The following MMP16 variants were observed in gnomAD, a reference collection of about 807,000 sequenced individuals.
MMP16 encodes the protein matrix metallopeptidase 16.
MMP16 carries 12 observed loss-of-function variants against 67.8 expected under a neutral mutation model. The observed-to-expected ratio is 0.18, with a 90% CI of 0.11 to 0.29. The LOEUF (loss-of-function observed/expected upper bound fraction) is 0.29, where lower values mean the gene tolerates loss of function less well. Among genes scored for constraint, MMP16 ranks in the 10% least tolerant of loss-of-function variants. The pLI, the probability that MMP16 is intolerant of heterozygous loss-of-function variation, is 1.00. For synonymous variants in MMP16, 249 were observed against 255.9 expected, an observed-to-expected ratio of 0.97 and a Z score of 0.26; for missense variants, 475 against 765.7, an observed-to-expected ratio of 0.62 and a Z score of 4.48.
chr8:88,258,419 T>C (rs941816853), intron 1 of MMP16, among the ~76,000 whole-genome samples: 2 of 152,220 alleles, frequency 1.3e-5, no homozygotes, highest in Non-Finnish European at 2.9e-5. Flanking sequence ...GGCATACTAA[T>C]GCCTGTCTAA....
intron 8 of MMP16, among the ~76,000 whole-genome samples, chr8:88,047,498 T>C (rs1478411765): frequency 6.6e-6 from 1 of 152,212 alleles, no homozygotes; most frequent in Non-Finnish European, 1.5e-5. Flanking sequence ...AGAGGTCCTG[T>C]CTGATAAGTT....
At chr8:88,326,034 TCAA>T (rs1297926124) in intron 1 of MMP16, among the ~76,000 whole-genome samples, 3 of 152,336 alleles carry the variant, frequency 2.0e-5, no homozygotes, top group East Asian at 3.9e-4. Context: ...CTTCATAATA[TCAA>T]CAATATAAGA....
chr8:88,089,163 C>T (rs909939088), intron 6 of MMP16, among the ~76,000 whole-genome samples: 1 of 152,020 alleles, frequency 6.6e-6, no homozygotes, highest in Non-Finnish European at 1.5e-5. Flanking sequence ...GTCTCTTTCA[C>T]TAGGCTGGAA....
intron 1 of MMP16, among the ~76,000 whole-genome samples, chr8:88,269,231 T>C (rs1219553817): frequency 1.3e-5 from 2 of 152,198 alleles, no homozygotes; most frequent in Admixed American, 6.5e-5. Flanking sequence ...TACTATGTAG[T>C]ACCTCAAAAT....
chr8:88,077,592 T>C (rs1808672265), intron 6 of MMP16, among the ~76,000 whole-genome samples: 1 of 152,202 alleles, frequency 6.6e-6, no homozygotes, highest in South Asian at 2.1e-4. Flanking sequence ...TGTCGGTCTT[T>C]TGTTTAGATA....
chr8:88,063,916 G>C (rs1808432703), intron 7 of MMP16, among the ~76,000 whole-genome samples: 1 of 151,908 alleles, frequency 6.6e-6, no homozygotes, highest in Non-Finnish European at 1.5e-5. Flanking sequence ...ACTGTATCCT[G>C]AGTAGTCAGA....
At chr8:88,218,965 C>T (rs889443078) in intron 1 of MMP16, among the ~76,000 whole-genome samples, 2 of 152,032 alleles carry the variant, frequency 1.3e-5, no homozygotes, top group African/African-American at 2.4e-5. Context: ...ATTAATGGAG[C>T]GTCAACCATA....
At chr8:88,143,211 T>C (rs1007703859) in intron 4 of MMP16, among the ~76,000 whole-genome samples, 5 of 152,074 alleles carry the variant, frequency 3.3e-5, no homozygotes, top group African/African-American at 7.2e-5. Flanking sequence ...ACCACAGAAA[T>C]AAGAGGTTGA....
At chr8:88,202,639 A>G (rs1809361584) in intron 1 of MMP16, among the ~76,000 whole-genome samples, 1 of 150,638 alleles carries the variant, frequency 6.6e-6, no homozygotes, top group African/African-American at 2.4e-5. Flanking sequence ...ACATGCACAT[A>G]CACACACACA....
At chr8:88,299,617 A>G (rs1275860669) in intron 1 of MMP16, among the ~76,000 whole-genome samples, 3 of 152,198 alleles carry the variant, frequency 2.0e-5, no homozygotes. Context: ...TTGAATTGTC[A>G]CTACTTCATC....
chr8:88,171,531 C>T (rs908286161), intron 3 of MMP16, among the ~76,000 whole-genome samples: 6 of 152,078 alleles, frequency 3.9e-5, no homozygotes, highest in African/African-American at 1.4e-4. Context: ...ACTGACACTG[C>T]TTTATTTATC....
intron 6 of MMP16, among the ~76,000 whole-genome samples, chr8:88,106,706 T>C (rs929015573): frequency 6.6e-6 from 1 of 151,400 alleles, no homozygotes; most frequent in Admixed American, 6.6e-5. Flanking sequence ...CATATACTTC[T>C]ATAAGTATGT....
intron 4 of MMP16, among the ~76,000 whole-genome samples, chr8:88,119,279 A>G (rs537409981): frequency 6.6e-6 from 1 of 152,212 alleles, no homozygotes; most frequent in East Asian, 1.9e-4. Context: ...CCTTACTTTT[A>G]CAAAGATGAG....
At position 88,116,268 on chromosome 8, in the gene MMP16, C is replaced by G. The variant is rs568907018; in HGVS notation, c.1083+239G>C. ...TAACATGCAGCATTTTTTTTACCCT[C>G]ACATTTTAGGCATTTTAGCTTCTGC... On this transcript the variant is annotated intron_variant, in intron 6 of 9. Transcript: ENST00000286614. 5.9e-5 allele frequency among the ~76,000 whole-genome samples: 9 copies of G among 152,146 alleles called. No homozygotes were observed. The East Asian group carries it at 1.8e-3, about 30-fold the overall frequency.
chr8:88,230,999 T>A (rs532139770), intron 1 of MMP16, among the ~76,000 whole-genome samples: 1 of 152,264 alleles, frequency 6.6e-6, no homozygotes, highest in South Asian at 2.1e-4. Flanking sequence ...GTATTCTTAT[T>A]GGTAAAATAG....
rs568168189 is a variant in MMP16 at position 88,206,920 on chromosome 8, G to A, written c.133-9614C>T. Among the ~76,000 whole-genome samples the A allele has an allele frequency of 2.0e-5, 3 of 152,072 alleles. No homozygotes were observed. In the South Asian group the frequency reaches 6.2e-4, roughly 32 times the overall value. On this transcript the variant is annotated intron_variant, in intron 1 of 9. Coordinates refer to ENST00000286614, the MANE Select transcript of MMP16 (RefSeq NM_005941.5). ...CACATTATTGCTTCTCCCAGCCTCT[G>A]GTAACTACAGTTGACTGCTGAACAA...
At chr8:88,109,243 G>A (rs1809293432) in intron 6 of MMP16, among the ~76,000 whole-genome samples, 1 of 151,050 alleles carries the variant, frequency 6.6e-6, no homozygotes. Flanking sequence ...ATTTTTTTCT[G>A]TGGTTTAGGG....
intron 6 of MMP16, among the ~76,000 whole-genome samples, chr8:88,085,882 G>A (rs1474951384): frequency 1.3e-5 from 2 of 151,692 alleles, no homozygotes; most frequent in Non-Finnish European, 2.9e-5. Flanking sequence ...TCTCAACACT[G>A]AAGAGTTTAG....
At chr8:88,118,570 G>T (rs1809477792) in intron 5 of MMP16, 130 bp downstream of exon 5, 1 of 803,464 alleles carries the variant, frequency 1.2e-6, no homozygotes, top group Non-Finnish European at 1.9e-6. Context: ...AATTTTGCCA[G>T]TAGGCCAGCT....
Sources: gnomAD v4.1 joint callset for allele counts (sites outside exome capture counted in the v4.1 genomes callset) on GRCh38, gnomAD v4.1.1 for gene constraint, MANE v1.5 for transcripts, NCBI Gene and HGNC (gene_info 2026-07-23, HGNC 2026-07-21) for gene names.